Variants in KSR2 observed in about 807,000 individuals in gnomAD.
The protein encoded by KSR2 is kinase suppressor of ras 2.
Under a neutral mutation model 107.8 loss-of-function variants are expected in KSR2, and 25 were observed. The observed-to-expected ratio is 0.23, with a 90% CI of 0.17 to 0.32. The LOEUF (loss-of-function observed/expected upper bound fraction) is 0.32, where lower values mean the gene tolerates loss of function less well. Among genes scored for constraint, KSR2 ranks in the 10% least tolerant of loss-of-function variants. The pLI is 1.00. For synonymous variants in KSR2, 480 were observed against 507.0 expected (o/e 0.95, Z 0.71); for missense variants, 887 against 1,268.9 (o/e 0.70, Z 4.57).
In KSR2 at chr12:117,695,970, G is replaced by A. The variant is rs1886040776; in HGVS notation, c.987-28312C>T. On this transcript the variant is annotated intron_variant, in intron 4 of 19. Coordinates refer to ENST00000339824, the MANE Select transcript of KSR2 (RefSeq NM_173598.6). ...TTGTGCAAGTGAAAGCTGACAGCCA[G>A]CACAGTGAGAGAAGCCATCGGCGGG... 2.0e-5 allele frequency among the ~76,000 whole-genome samples: 3 copies of A among 152,218 alleles called. No homozygotes were observed. In the South Asian group the frequency reaches 6.2e-4, roughly 31 times the overall value.
intron 15 of KSR2, among the ~76,000 whole-genome samples, chr12:117,484,889 T>G (rs1205725616): frequency 6.6e-6 from 1 of 152,178 alleles, no homozygotes; most frequent in African/African-American, 2.4e-5. Flanking sequence ...CTTTAAATAC[T>G]AACTCTTCCG....
intron 14 of KSR2, among the ~76,000 whole-genome samples, chr12:117,522,148 A>T (rs937586884): frequency 1.3e-5 from 2 of 152,130 alleles, no homozygotes; most frequent in Admixed American, 1.3e-4. Flanking sequence ...GGGGCTCAGA[A>T]TTTTGTACAT....
chr12:117,613,827 G>A (rs1881731506), intron 5 of KSR2, among the ~76,000 whole-genome samples: 1 of 152,150 alleles, frequency 6.6e-6, no homozygotes, highest in Non-Finnish European at 1.5e-5. Flanking sequence ...GGCCAGTGTG[G>A]TAATGCATCA....
intron 1 of KSR2, among the ~76,000 whole-genome samples, chr12:117,893,193 T>A (rs113330755): frequency 0.023 from 3,563 of 152,068 alleles, 136 homozygotes; most frequent in African/African-American, 0.081. Flanking sequence ...AAGTTTTGTA[T>A]TTTTGGTAGA....
chr12:117,952,210 C>T (rs1896386788), intron 1 of KSR2, among the ~76,000 whole-genome samples: 1 of 152,074 alleles, frequency 6.6e-6, no homozygotes, highest in African/African-American at 2.4e-5. Flanking sequence ...CACACCCACA[C>T]ACACAGCAAC....
rs1050197480 is a variant in KSR2 at position 117,462,468 on chromosome 12, G to C, written c.*4731C>G. 2 of 152,194 alleles carry C rather than the reference G, an allele frequency of 1.3e-5. No individual in the cohort carries two copies. Among genetic ancestry groups the C allele is most frequent in the African/African-American group, 4.8e-5 (2 of 41,428 alleles). The allele number at this position is 152,194 out of a possible 1,614,324, so 9.4% of individuals were successfully genotyped here. The stretch of plus-strand genomic sequence containing the variant: ...GGGCAGGGATTGGACTGACACAGCT[G>C]CAAGCCAAGGAATGCCAATGATGAC... On this transcript the variant is annotated 3_prime_UTR_variant, in exon 20 of 20. Transcript: ENST00000339824.
intron 19 of KSR2, among the ~76,000 whole-genome samples, chr12:117,468,761 T>C (rs887583120): frequency 6.6e-5 from 10 of 152,262 alleles, no homozygotes; most frequent in African/African-American, 2.4e-4. Flanking sequence ...TGTATGTGTC[T>C]GAGTCTGGCT....
In KSR2 at chr12:117,524,907, C is replaced by T. The variant is rs1005871643; in HGVS notation, c.2164G>A (p.Val722Met). Residue 722 changes from valine (V) to methionine (M), a missense_variant, in exon 14 of 20, where the codon GTG becomes ATG. By Grantham distance (21) the Val-to-Met change is conservative. Around this residue, in one of 8 missense-constraint regions of KSR2, gnomAD observed 308 missense variants for 506.2 expected, o/e 0.61. Transcript: ENST00000339824. ...ATGCAGGCACCCATGAAAAGCACCACGTTCTCATGCCGTGTCTGCCTGTAG... is the reference window on the plus strand; with the variant it reads ...ATGCAGGCACCCATGAAAAGCACCATGTTCTCATGCCGTGTCTGCCTGTAG... ...MAYRQTRHEN[V>M]VLFMGACMSP... The T allele has an allele frequency of 7.4e-6, 12 of 1,613,646 alleles. No homozygotes were observed. Among genetic ancestry groups the T allele is most frequent in the East Asian group, 4.5e-5 (2 of 44,862 alleles).
intron 1 of KSR2, among the ~76,000 whole-genome samples, chr12:117,960,255 G>T (rs1056271553): frequency 6.6e-6 from 1 of 152,064 alleles, no homozygotes; most frequent in Non-Finnish European, 1.5e-5. Flanking sequence ...TTTTTGTTTT[G>T]GTTGATTTTC....
At chr12:117,962,585 C>G (rs1593409193) in intron 1 of KSR2, among the ~76,000 whole-genome samples, 1 of 151,722 alleles carries the variant, frequency 6.6e-6, no homozygotes. Flanking sequence ...GTTGGGATTA[C>G]AGGTACCCGC....
chr12:117,918,783 C>T (rs1315427394), intron 1 of KSR2, among the ~76,000 whole-genome samples: 3 of 144,296 alleles, frequency 2.1e-5, no homozygotes, highest in Non-Finnish European at 4.5e-5. Flanking sequence ...GGCGAAACTC[C>T]GTCTCAAAAA....
intron 17 of KSR2, among the ~76,000 whole-genome samples, chr12:117,475,794 G>T (rs943119798): frequency 6.6e-6 from 1 of 152,188 alleles, no homozygotes; most frequent in East Asian, 1.9e-4. Flanking sequence ...AACAGCATAT[G>T]GTAGGAGCAA....
Position 117,539,884 on chromosome 12 carries a change from G to A in KSR2, c.1522C>T (p.His508Tyr). ...TCTGGCTGGTAAGGGACAGGGATGT[G>A]GTCCTGCAGAGAGAAAACAGGGTAG... is the stretch of plus-strand genomic sequence containing the variant. ...LPKTNKINKD[H>Y]IPVPYQPDSS... is the part of the protein sequence containing the mutation. The change falls in exon 10 of 20, where the codon CAC becomes TAC. Residue 508 changes from histidine to tyrosine, a missense_variant. By Grantham distance (83) the His-to-Tyr change is moderately conservative. Transcript: ENST00000339824. 1 of 1,602,646 alleles carries A rather than the reference G, an allele frequency of 6.2e-7. No homozygotes were observed. Among genetic ancestry groups the A allele is most frequent in the Non-Finnish European group, 8.5e-7 (1 of 1,175,964 alleles).
At chr12:117,620,807 T>C (rs1300834836) in intron 5 of KSR2, among the ~76,000 whole-genome samples, 2 of 152,182 alleles carry the variant, frequency 1.3e-5, no homozygotes, top group Non-Finnish European at 2.9e-5. Flanking sequence ...CTAGTTATCA[T>C]GACTTAGACT....
intron 5 of KSR2, among the ~76,000 whole-genome samples, chr12:117,611,758 T>C (rs1412561831): frequency 6.6e-6 from 1 of 152,210 alleles, no homozygotes; most frequent in African/African-American, 2.4e-5. Flanking sequence ...AGTGATAACT[T>C]AAAATCACCT....
chr12:117,911,771 C>G (rs544468265), intron 1 of KSR2, among the ~76,000 whole-genome samples: 24 of 152,120 alleles, frequency 1.6e-4, no homozygotes, highest in Non-Finnish European at 3.4e-4. Flanking sequence ...TGACCAAATA[C>G]CACAATTCAT....
intron 7 of KSR2, among the ~76,000 whole-genome samples, chr12:117,568,431 T>C (rs1593002150): frequency 6.6e-6 from 1 of 152,192 alleles, no homozygotes; most frequent in Non-Finnish European, 1.5e-5. Flanking sequence ...GAGTGACATG[T>C]AGCATTTATT....
intron 1 of KSR2, among the ~76,000 whole-genome samples, chr12:117,903,737 G>T (rs1299786991): frequency 3.3e-5 from 5 of 152,206 alleles, no homozygotes; most frequent in Admixed American, 3.3e-4. Context: ...CGGGCACTGT[G>T]GCTCATGACT....
chr12:117,612,246 T>C (rs1881644766), intron 5 of KSR2, among the ~76,000 whole-genome samples: 1 of 151,612 alleles, frequency 6.6e-6, no homozygotes. Flanking sequence ...TCTACTGAAA[T>C]ACAAAAAATT....
Sources: allele counts gnomAD v4.1 joint callset (sites outside exome capture counted in the v4.1 genomes callset), GRCh38; gene constraint gnomAD v4.1.1; regional missense constraint gnomAD v4.1.1; transcripts MANE v1.5; gene names NCBI Gene and HGNC (gene_info 2026-07-23, HGNC 2026-07-21).